Variants in CD4 observed in about 807,000 individuals in gnomAD.
CD4 encodes T-cell surface glycoprotein CD4.
Under a neutral mutation model 50.5 loss-of-function variants are expected in CD4, and 25 were observed. The observed-to-expected ratio is 0.49, with a 90% CI of 0.36 to 0.69. The LOEUF (loss-of-function observed/expected upper bound fraction) is 0.69, where lower values mean the gene tolerates loss of function less well. Ranked by LOEUF, CD4 falls within the 30% of genes least tolerant of loss-of-function variation. The pLI is 0.00. For synonymous variants in CD4, 207 were observed against 221.9 expected (o/e 0.93, Z 0.60); for missense variants, 456 against 548.5 (o/e 0.83, Z 1.68).
At position 6,816,457 on chromosome 12, in the gene CD4, G is replaced by C; in HGVS notation, c.955+54G>C. On this transcript the variant is annotated intron_variant, in intron 6 of 9. Coordinates refer to ENST00000011653, the MANE Select transcript of CD4 (RefSeq NM_000616.5). This position sits in a 1 kb window ranked among gnomAD's most constrained non-coding sequence, Gnocchi z 4.9. ...CAGGGGAAGGAGTTGGAGGGGCCTG[G>C]CCCAGGGCTCCCTCTGAGGCAAGCC... 7.0e-7 allele frequency: 1 copy of C among 1,430,420 alleles called. No homozygotes were observed. Among genetic ancestry groups the C allele is most frequent in the Non-Finnish European group, 9.5e-7 (1 of 1,053,036 alleles). 88.6% of individuals were successfully genotyped at this position (1,430,420 alleles called of 1,614,324 possible). A position where few individuals can be genotyped will look rare whatever the true frequency, so the allele number is the denominator to read the frequency against.
Position 6,796,388 on chromosome 12 carries a change from G to T in CD4, c.-67-3684G>T, listed in dbSNP as rs528449488. ...AGAAGGACCAAGCTTGGAAGACAGA[G>T]TAAGTCTGGAGGCAAGATCTTGTCT... On this transcript the variant is annotated intron_variant, in intron 1 of 9. Coordinates refer to ENST00000011653, the MANE Select transcript of CD4 (RefSeq NM_000616.5). 2.6e-5 allele frequency among the ~76,000 whole-genome samples: 4 copies of T among 152,336 alleles called. No individual in the cohort carries two copies. The South Asian group carries it at 8.3e-4, about 32-fold the overall frequency.
chr12:6,817,002 GT>G, intron 6 of CD4, 127 bp from the exon 7 acceptor site: 2 of 732,874 alleles, frequency 2.7e-6, no homozygotes, highest in Admixed American at 2.6e-5. Flanking sequence ...CCCAAACGCT[GT>G]TTTTCCTCGT....
At chr12:6,808,823 G>A (rs941455170) in intron 3 of CD4, among the ~76,000 whole-genome samples, 4 of 152,128 alleles carry the variant, frequency 2.6e-5, no homozygotes, top group Non-Finnish European at 5.9e-5. Flanking sequence ...TAAAGTTCCA[G>A]AAATGAAATT....
intron 1 of CD4, among the ~76,000 whole-genome samples, chr12:6,790,738 C>CA (rs1942133117): frequency 6.6e-6 from 1 of 152,212 alleles, no homozygotes; most frequent in South Asian, 2.1e-4. Context: ...TCCCCAGTGT[C>CA]CTCTGCTTTC....
At chr12:6,817,032 G>A in intron 6 of CD4, 98 bp from the exon 7 acceptor site, 3 of 1,024,616 alleles carry the variant, frequency 2.9e-6, no homozygotes, top group South Asian at 3.0e-5. Context: ...ATGAAAACCT[G>A]CTCTAAAAGG....
chr12:6,808,079 C>CAAAAA (rs34876182), intron 3 of CD4, among the ~76,000 whole-genome samples: 5 of 70,144 alleles, frequency 7.1e-5, no homozygotes, highest in Admixed American at 2.0e-4. Context: ...GGCTCTTTCT[C>CAAAAA]AAAAAAAAAA....
intron 1 of CD4, among the ~76,000 whole-genome samples, chr12:6,798,150 C>T (rs1230258159): frequency 6.6e-6 from 1 of 151,810 alleles, no homozygotes; most frequent in Admixed American, 6.6e-5. Flanking sequence ...TTTCACCAAG[C>T]ACACTGCCTG....
intron 7 of CD4, among the ~76,000 whole-genome samples, chr12:6,817,960 C>A (rs531478649): frequency 6.6e-6 from 1 of 152,164 alleles, no homozygotes; most frequent in African/African-American, 2.4e-5. Flanking sequence ...CATCCGCACA[C>A]GCATTATTCA....
In CD4 at chr12:6,819,418, C is replaced by T; in HGVS notation, c.*89C>T. The T allele has an allele frequency of 7.8e-7, 1 of 1,281,102 alleles. No homozygotes were observed. The highest frequency in any genetic ancestry group is 1.2e-5 in the South Asian group (1 of 84,264). The allele number at this position is 1,281,102 out of a possible 1,614,324, so 79.4% of individuals were successfully genotyped here. A position where few individuals can be genotyped will look rare whatever the true frequency, so the allele number is the denominator to read the frequency against. On this transcript the variant is annotated 3_prime_UTR_variant, in exon 10 of 10. Coordinates refer to ENST00000011653, the MANE Select transcript of CD4 (RefSeq NM_000616.5). Reference sequence around the variant, plus strand: ...GCGGACCAGATGAATGTAGCAGATCCCCAGCCTCTGGCCTCCTGTTCGCCT... The same window carrying T: ...GCGGACCAGATGAATGTAGCAGATCTCCAGCCTCTGGCCTCCTGTTCGCCT...
At chr12:6,810,650 T>C (rs777002034) in intron 3 of CD4, among the ~76,000 whole-genome samples, 3 of 152,010 alleles carry the variant, frequency 2.0e-5, no homozygotes, top group Non-Finnish European at 4.4e-5. Flanking sequence ...GAAAAACGAA[T>C]CATACTTAGA....
chr12:6,795,060 A>G (rs867775426), intron 1 of CD4, among the ~76,000 whole-genome samples: 4 of 151,910 alleles, frequency 2.6e-5, no homozygotes, highest in African/African-American at 7.3e-5. Context: ...TGCTGGGAGT[A>G]CAGGTGTGAG....
At chr12:6,810,139 C>T (rs1942894605) in intron 3 of CD4, among the ~76,000 whole-genome samples, 1 of 152,008 alleles carries the variant, frequency 6.6e-6, no homozygotes, top group African/African-American at 2.4e-5. Flanking sequence ...ATCCACCTGC[C>T]TCGGCCTCCC....
intron 3 of CD4, among the ~76,000 whole-genome samples, chr12:6,808,450 C>CAAAA (rs3032789): frequency 0.013 from 500 of 37,798 alleles, 124 homozygotes; most frequent in Middle Eastern, 0.083. Flanking sequence ...GATTCTGTCT[C>CAAAA]AAAAAAAAAA....
intron 3 of CD4, among the ~76,000 whole-genome samples, chr12:6,808,964 T>C (rs1298828700): frequency 6.6e-6 from 1 of 152,206 alleles, no homozygotes; most frequent in Non-Finnish European, 1.5e-5. Flanking sequence ...GCCTATGAGA[T>C]TAAAACAATG....
At chr12:6,812,875 C>T (rs1253537501) in intron 3 of CD4, among the ~76,000 whole-genome samples, 1 of 58,296 alleles carries the variant, frequency 1.7e-5, no homozygotes, top group African/African-American at 7.0e-5. Context: ...CAAACTCTGC[C>T]TCCCAGTCTC....
chr12:6,792,236 G>A lies in CD4; in HGVS notation c.-68+2574G>A, dbSNP rs115884566. Among the ~76,000 whole-genome samples the A allele has an allele frequency of 0.015, 2,281 of 152,160 alleles. 64 individuals carry two copies. Among genetic ancestry groups the A allele is most frequent in the African/African-American group, 0.05 (2,058 of 41,480 alleles). ...GACCACAGACTCTCGCTGTGGTGGA[G>A]CTGGGCCCTCTTACCCTCCCAAGCC... is the stretch of plus-strand genomic sequence containing the variant. On this transcript the variant is annotated intron_variant, in intron 1 of 9. Transcript: ENST00000011653. The surrounding 1 kb of genome is among the most constrained non-coding windows in gnomAD (Gnocchi z 4.1).
chr12:6,817,806 C>G (rs915369212), intron 7 of CD4, among the ~76,000 whole-genome samples: 6 of 150,552 alleles, frequency 4.0e-5, no homozygotes, highest in African/African-American at 1.5e-4. Context: ...ACCCCATGTA[C>G]TCACACCCAT....
chr12:6,797,212 A>G (rs994205806), intron 1 of CD4, among the ~76,000 whole-genome samples: 2 of 152,000 alleles, frequency 1.3e-5, no homozygotes, highest in Non-Finnish European at 2.9e-5. Flanking sequence ...TCCATTCCCC[A>G]TGGTCCATTC....
chr12:6,816,545 G>A lies in CD4; in HGVS notation c.955+142G>A. 1 of 714,022 alleles carries A rather than the reference G, an allele frequency of 1.4e-6. No homozygotes were observed. 44.2% of individuals were successfully genotyped at this position (714,022 alleles called of 1,614,324 possible). ...GATGAAGTGAGGGAGGGCCCTCTGGGTTTGGGGCTGGTTTTGAACTGAGAC... is the reference window on the plus strand; with the variant it reads ...GATGAAGTGAGGGAGGGCCCTCTGGATTTGGGGCTGGTTTTGAACTGAGAC... On this transcript the variant is annotated intron_variant, in intron 6 of 9. Transcript: ENST00000011653. This position sits in a 1 kb window ranked among gnomAD's most constrained non-coding sequence, Gnocchi z 4.9.
Sources: gnomAD v4.1 joint callset for allele counts (sites outside exome capture counted in the v4.1 genomes callset) on GRCh38, gnomAD v4.1.1 for gene constraint, Gnocchi (gnomAD v3.1) non-coding constraint, MANE v1.5 for transcripts, NCBI Gene and HGNC (gene_info 2026-07-23, HGNC 2026-07-21) for gene names.